ACBD6: variants seen among roughly 807,000 people sequenced by gnomAD.
The protein encoded by ACBD6 is acyl-CoA-binding domain-containing protein 6.
In ACBD6, 28 loss-of-function variants were observed where a neutral mutation model predicts 37.2. The ratio of observed to expected loss-of-function variants is 0.75; its 90% CI spans 0.56 to 1.03. The LOEUF (loss-of-function observed/expected upper bound fraction) is 1.03, where lower values mean the gene tolerates loss of function less well. Among genes scored for constraint, ACBD6 ranks in the 50% least tolerant of loss-of-function variants. ACBD6 has a pLI of 0.00. For synonymous variants in ACBD6, 113 were observed against 126.8 expected, an observed-to-expected ratio of 0.89 and a Z score of 0.73; for missense variants, 340 against 337.4, an observed-to-expected ratio of 1.01 and a Z score of -0.06.
chr1:180,462,006 C>T (rs1010840802), intron 3 of ACBD6, among the ~76,000 whole-genome samples: 2 of 152,104 alleles, frequency 1.3e-5, no homozygotes, highest in Non-Finnish European at 2.9e-5. Flanking sequence ...GAAGCTGAGG[C>T]AGGCGGATCA....
intron 6 of ACBD6, among the ~76,000 whole-genome samples, chr1:180,333,192 T>A (rs1026246452): frequency 6.6e-6 from 1 of 152,120 alleles, no homozygotes; most frequent in African/African-American, 2.4e-5. Flanking sequence ...TAACATAAAT[T>A]ATACGTAACA....
chr1:180,393,876 G>A (rs73035577), intron 6 of ACBD6, among the ~76,000 whole-genome samples: 3,008 of 152,226 alleles, frequency 0.02, 114 homozygotes, highest in Admixed American at 0.052. Context: ...TAACAGATCC[G>A]TCCTAAAAAC....
intron 6 of ACBD6, among the ~76,000 whole-genome samples, chr1:180,316,337 C>T (rs901421636): frequency 7.0e-5 from 8 of 115,006 alleles, no homozygotes; most frequent in Admixed American, 5.6e-4. Flanking sequence ...CGTGAGTGCG[C>T]ACACACACAC....
intron 6 of ACBD6, among the ~76,000 whole-genome samples, chr1:180,339,730 G>A (rs1222902196): frequency 6.6e-6 from 1 of 151,804 alleles, no homozygotes; most frequent in East Asian, 1.9e-4. Flanking sequence ...TACGTGTTAG[G>A]CACTGTTCTA....
chr1:180,409,996 T>A (rs1233795123), intron 5 of ACBD6, among the ~76,000 whole-genome samples: 1 of 152,204 alleles, frequency 6.6e-6, no homozygotes, highest in Non-Finnish European at 1.5e-5. Flanking sequence ...GCTATTTCAG[T>A]GAGCATACAA....
At chr1:180,427,267 T>C (rs1173978824) in intron 4 of ACBD6, among the ~76,000 whole-genome samples, 1 of 152,220 alleles carries the variant, frequency 6.6e-6, no homozygotes, top group East Asian at 1.9e-4. Flanking sequence ...TTATAAAGTA[T>C]CAAAACAAAC....
Position 180,495,475 on chromosome 1 carries a change from T to C in ACBD6, c.273A>G (p.Glu91=). Reference sequence around the variant, plus strand: ...GAATTTCTTACCATTTTTGCTTTCCTTCAAAATCAAAGAAGCTTGGTTTAG... The same window carrying C: ...GAATTTCTTACCATTTTTGCTTTCCCTCAAAATCAAAGAAGCTTGGTTTAG... The part of the protein sequence containing the change: ...NTPKPSFFDF[E]GKQKWEAWKA... Residue 91 remains glutamate, a synonymous_variant, in exon 2 of 8, where the codon GAA becomes GAG. Transcript: ENST00000367595. 6.2e-7 allele frequency: 1 copy of C among 1,605,736 alleles called. No homozygotes were observed. The highest frequency in any genetic ancestry group is 8.5e-7 in the Non-Finnish European group (1 of 1,176,986).
rs188750892 is a variant in ACBD6, at chr1:180,358,406, A to C, written c.663+39110T>G. 2.0e-5 allele frequency among the ~76,000 whole-genome samples: 3 copies of C among 151,480 alleles called. No homozygotes were observed. In the East Asian group the frequency reaches 5.9e-4, roughly 30 times the overall value. On this transcript the variant is annotated intron_variant, in intron 6 of 7. Coordinates refer to ENST00000367595, the MANE Select transcript of ACBD6 (RefSeq NM_032360.4). ...TGTGCCATTGCACTTCAGCCTGGGC[A>C]ACAGAGCAAGACTCCGTCTCAAAAA...
At chr1:180,470,643 A>T (rs926472113) in intron 3 of ACBD6, among the ~76,000 whole-genome samples, 1 of 152,212 alleles carries the variant, frequency 6.6e-6, no homozygotes, top group Non-Finnish European at 1.5e-5. Context: ...CAAGCCTCCC[A>T]TGATTCTATG....
intron 6 of ACBD6, among the ~76,000 whole-genome samples, chr1:180,365,950 GTTTAC>G (rs1181715219): frequency 1.3e-5 from 2 of 151,986 alleles, no homozygotes; most frequent in African/African-American, 4.8e-5. Flanking sequence ...AACTTACTCT[GTTTAC>G]TTAGTATAAC....
intron 6 of ACBD6, among the ~76,000 whole-genome samples, chr1:180,380,451 C>A (rs1047873598): frequency 1.2e-4 from 18 of 151,856 alleles, no homozygotes; most frequent in Admixed American, 1.1e-3. Context: ...AAAAATTGCC[C>A]AAGGATATTA....
Position 180,397,500 on chromosome 1 carries a change from T to G in ACBD6, c.663+16A>C. On this transcript the variant is annotated intron_variant, in intron 6 of 7. Transcript: ENST00000367595. ...CTTCAATTTAAAAAATAAAAGCTCT[T>G]CTTTATCACTCTTACCTGACAGTTA... The G allele has an allele frequency of 6.2e-7, 1 of 1,603,620 alleles. No homozygotes were observed. Among genetic ancestry groups the G allele is most frequent in the Non-Finnish European group, 8.5e-7 (1 of 1,170,402 alleles).
chr1:180,291,767 A>G (rs1649718436), intron 7 of ACBD6, among the ~76,000 whole-genome samples: 1 of 152,114 alleles, frequency 6.6e-6, no homozygotes, highest in Admixed American at 6.5e-5. Context: ...CTTTGCCTAC[A>G]CCAAGATCAC....
rs1296393151 is a variant in ACBD6, at chr1:180,428,406, T to G, written c.467+1774A>C. 2.0e-5 allele frequency among the ~76,000 whole-genome samples: 3 copies of G among 152,216 alleles called. No homozygotes were observed. In the East Asian group the frequency reaches 5.8e-4, roughly 29 times the overall value. ...AAATGTGTGTTGAATTGAATTTAAATCTCTACAAAAATAAACTGTATTATT... is the reference window on the plus strand; with the variant it reads ...AAATGTGTGTTGAATTGAATTTAAAGCTCTACAAAAATAAACTGTATTATT... On this transcript the variant is annotated intron_variant, in intron 4 of 7. Transcript: ENST00000367595.
intron 6 of ACBD6, among the ~76,000 whole-genome samples, chr1:180,379,553 T>A (rs950758096): frequency 6.6e-6 from 1 of 151,872 alleles, no homozygotes; most frequent in Non-Finnish European, 1.5e-5. Context: ...GAGGTAGATA[T>A]AATAAAAAAG....
At chr1:180,353,785 C>CAAAA (rs56286672) in intron 6 of ACBD6, among the ~76,000 whole-genome samples, 1,936 of 19,880 alleles carry the variant, frequency 0.097, 363 homozygotes, top group African/African-American at 0.24. Flanking sequence ...TTAACAACCA[C>CAAAA]AAAAAAAAAA....
At position 180,437,664 on chromosome 1, in the gene ACBD6, C is replaced by T. The variant is rs562260505; in HGVS notation, c.385-7402G>A. Among the ~76,000 whole-genome samples, 612 of 152,098 alleles carry T rather than the reference C, an allele frequency of 4.0e-3. 9 individuals carry two copies. The Middle Eastern group carries it at 0.041, about 10-fold the overall frequency. On this transcript the variant is annotated intron_variant, in intron 3 of 7. Transcript: ENST00000367595. ...TCAGCAAAGTTGCAGGATACAAAAT[C>T]GTCACACAAAAATCAGGTTAGGTCT...
Position 180,496,383 on chromosome 1 carries a change from T to C in ACBD6, c.223-858A>G, listed in dbSNP as rs144561749. On this transcript the variant is annotated intron_variant, in intron 1 of 7. Coordinates refer to ENST00000367595, the MANE Select transcript of ACBD6 (RefSeq NM_032360.4). ...TTTTGTGTAAAGTCTCATCTTTCTA[T>C]TAGAATAGAGCCTGTAACTGTTCTT... Among the ~76,000 whole-genome samples the C allele has an allele frequency of 2.5e-4, 38 of 152,314 alleles. No individual in the cohort carries two copies. The East Asian group carries it at 4.2e-3, about 17-fold the overall frequency.
intron 6 of ACBD6, among the ~76,000 whole-genome samples, chr1:180,370,278 C>T (rs1424409582): frequency 6.6e-6 from 1 of 152,104 alleles, no homozygotes; most frequent in East Asian, 1.9e-4. Flanking sequence ...CAGGGTCTTC[C>T]TCAGAAAGGT....
Sources: gnomAD v4.1 joint callset for allele counts (sites outside exome capture counted in the v4.1 genomes callset) on GRCh38, gnomAD v4.1.1 for gene constraint, MANE v1.5 for transcripts, NCBI Gene and HGNC (gene_info 2026-07-23, HGNC 2026-07-21) for gene names.